IL1RAP: variants seen among roughly 807,000 people sequenced by gnomAD.
The protein encoded by IL1RAP is interleukin-1 receptor accessory protein.
In IL1RAP, 35 loss-of-function variants were observed where a neutral mutation model predicts 60.7. That is an observed-to-expected ratio of 0.58 (90% CI 0.44 to 0.76). The LOEUF (loss-of-function observed/expected upper bound fraction) is 0.76. Among genes scored for constraint, IL1RAP ranks in the 30% least tolerant of loss-of-function variants. IL1RAP has a pLI of 0.00. For missense variants in IL1RAP, 572 were observed against 693.9 expected, an observed-to-expected ratio of 0.82 and a Z score of 1.97; for synonymous variants, 268 against 250.9, an observed-to-expected ratio of 1.07 and a Z score of -0.64.
exon 12 of IL1RAP, chr3:190,658,395 T>C (rs958316542): frequency 6.6e-6 from 1 of 152,228 alleles, no homozygotes; most frequent in African/African-American, 2.4e-5. Flanking sequence ...TAGTGGAGCA[T>C]GTTTATCCTC....
intron 3 of IL1RAP, among the ~76,000 whole-genome samples, chr3:190,568,447 G>T (rs939940543): frequency 3.9e-5 from 6 of 152,172 alleles, no homozygotes; most frequent in African/African-American, 1.4e-4. Context: ...CTAGAAGTAA[G>T]ATCCTCTGAT....
downstream of IL1RAP, among the ~76,000 whole-genome samples, chr3:190,654,729 CT>C (rs1734553954): frequency 6.6e-6 from 1 of 152,200 alleles, no homozygotes; most frequent in Non-Finnish European, 1.5e-5. Flanking sequence ...TGTTTCGTCC[CT>C]GGACCAAAAG....
At chr3:190,520,198 T>C (rs533188131) in intron 1 of IL1RAP, among the ~76,000 whole-genome samples, 2 of 152,268 alleles carry the variant, frequency 1.3e-5, no homozygotes, top group East Asian at 3.9e-4. Context: ...GAGGATATGG[T>C]TTATTCTGCC....
chr3:190,656,141 G>A (rs1734612425), downstream of IL1RAP: 1 of 1,537,300 alleles, frequency 6.5e-7, no homozygotes, highest in Non-Finnish European at 8.7e-7. Context: ...AAACATTCTG[G>A]CTCTAAATTC....
At chr3:190,617,272 C>CT in intron 5 of IL1RAP, among the ~76,000 whole-genome samples, 1 of 152,156 alleles carries the variant, frequency 6.6e-6, no homozygotes, top group East Asian at 1.9e-4. Flanking sequence ...TCACACAGTT[C>CT]TTTACACATT....
chr3:190,619,332 A>C (rs1237427020), intron 5 of IL1RAP, among the ~76,000 whole-genome samples: 1 of 152,206 alleles, frequency 6.6e-6, no homozygotes, highest in African/African-American at 2.4e-5. Flanking sequence ...AAATGTCAAC[A>C]GTTATATGCA....
chr3:190,620,371 T>C lies in IL1RAP; in HGVS notation c.634T>C (p.Cys212Arg). The change falls in exon 6 of 12, where the codon TGT becomes CGT. Residue 212 changes from cysteine to arginine, a missense_variant. Cys to Arg is a radical substitution (Grantham distance 180, BLOSUM62 -3). Coordinates refer to ENST00000447382, the MANE Select transcript of IL1RAP (RefSeq NM_002182.4). ...AATTTCAAATAATGGAAATTACACA[T>C]GTGTTGTTACATATCCAGAAAATGG... ...ALISNNGNYTCVVTYPENGRT... is the reference protein window; with the variant it reads ...ALISNNGNYTRVVTYPENGRT... The C allele has an allele frequency of 6.2e-7, 1 of 1,612,328 alleles. No homozygotes were observed.
intron 4 of IL1RAP, among the ~76,000 whole-genome samples, chr3:190,605,500 T>C (rs998155908): frequency 6.6e-6 from 1 of 152,198 alleles, no homozygotes; most frequent in Non-Finnish European, 1.5e-5. Flanking sequence ...CGGGTTATTT[T>C]TTTTTCTTTT....
chr3:190,547,193 G>T (rs1235772072), intron 1 of IL1RAP, among the ~76,000 whole-genome samples: 4 of 152,152 alleles, frequency 2.6e-5, no homozygotes, highest in Non-Finnish European at 4.4e-5. Flanking sequence ...CAGCTCATTC[G>T]CATTCTGATG....
At chr3:190,642,569 A>G (rs975270146) in intron 9 of IL1RAP, 3 of 152,090 alleles carry the variant, frequency 2.0e-5, no homozygotes, top group African/African-American at 7.2e-5. Context: ...AACATCTACA[A>G]TGTTCTAGGT....
intron 7 of IL1RAP, among the ~76,000 whole-genome samples, chr3:190,625,792 A>G (rs1458666487): frequency 5.9e-5 from 9 of 152,216 alleles, no homozygotes; most frequent in Admixed American, 5.2e-4. Context: ...ATGGCTTTAT[A>G]TAGTCATATG....
At chr3:190,554,200 A>C (rs1359131694) in intron 1 of IL1RAP, among the ~76,000 whole-genome samples, 1 of 151,952 alleles carries the variant, frequency 6.6e-6, no homozygotes, top group East Asian at 1.9e-4. Flanking sequence ...TTCTTGTTAC[A>C]CAACCAGGAA....
intron 3 of IL1RAP, among the ~76,000 whole-genome samples, chr3:190,574,970 C>G (rs1327769185): frequency 6.7e-6 from 1 of 149,862 alleles, no homozygotes; most frequent in African/African-American, 2.5e-5. Context: ...ATACACAAAG[C>G]CTCTTCAGTC....
chr3:190,568,855 C>T (rs57221568), intron 3 of IL1RAP, among the ~76,000 whole-genome samples: 2 of 152,074 alleles, frequency 1.3e-5, no homozygotes, highest in African/African-American at 2.4e-5. Context: ...AAAGATCATG[C>T]GTTTGACCAT....
intron 1 of IL1RAP, chr3:190,516,144 T>G (rs1721492377): frequency 6.6e-6 from 1 of 152,276 alleles, no homozygotes; most frequent in African/African-American, 2.4e-5. Flanking sequence ...AGCATTTGTA[T>G]GCAGTATTGG....
Position 190,575,938 on chromosome 3 carries a change from G to A in IL1RAP, c.64+11585G>A, listed in dbSNP as rs543678755. ...TAAGAAATCCTTAGAGGCCAAAATT[G>A]AAGTGAAAACAGGAATCCAGAAAAG... On this transcript the variant is annotated intron_variant, in intron 3 of 11. Transcript: ENST00000447382. Among the ~76,000 whole-genome samples the A allele has an allele frequency of 2.0e-5, 3 of 152,266 alleles. No homozygotes were observed. The East Asian group carries it at 5.8e-4, about 29-fold the overall frequency.
downstream of IL1RAP, among the ~76,000 whole-genome samples, chr3:190,654,877 T>C (rs532386720): frequency 1.3e-5 from 2 of 152,352 alleles, no homozygotes; most frequent in African/African-American, 4.8e-5. Context: ...GAGTTAAGCA[T>C]TACATTTATT....
At position 190,604,334 on chromosome 3, in the gene IL1RAP, C is replaced by A. The variant is rs1386571220; in HGVS notation, c.271C>A (p.Arg91Ser). ...EPINFRLPEN[R>S]ISKEKDVLWF... ...AATTAACTTCCGCCTCCCCGAGAAC[C>A]GCATTAGTAAGGAGAAAGATGTGCT... The change falls in exon 4 of 12, where the codon CGC becomes AGC. Residue 91 changes from arginine (R) to serine (S), a missense_variant. Transcript: ENST00000447382. 6.2e-7 allele frequency: 1 copy of A among 1,613,948 alleles called. No homozygotes were observed. Among genetic ancestry groups the A allele is most frequent in the Admixed American group, 1.7e-5 (1 of 59,998 alleles).
chr3:190,607,402 A>G (rs921240174), intron 4 of IL1RAP, among the ~76,000 whole-genome samples: 8 of 152,236 alleles, frequency 5.3e-5, no homozygotes, highest in Non-Finnish European at 1.0e-4. Flanking sequence ...GCAGTTACTG[A>G]AAGTTAAGAC....
Sources: gnomAD v4.1 joint callset for allele counts (sites outside exome capture counted in the v4.1 genomes callset) on GRCh38, gnomAD v4.1.1 for gene constraint, MANE v1.5 for transcripts, NCBI Gene and HGNC (gene_info 2026-07-23, HGNC 2026-07-21) for gene names.